CCDC91: variants seen among roughly 807,000 people sequenced by gnomAD.
CCDC91 encodes the protein coiled-coil domain containing 91, also known as coiled-coil domain-containing protein 91.
In CCDC91, 48 loss-of-function variants were observed where a neutral mutation model predicts 63.2. That is an observed-to-expected ratio of 0.76 (90% CI 0.60 to 0.97). The LOEUF is 0.97. CCDC91 is among the 50% of genes least tolerant of loss of function. The pLI, the probability that CCDC91 is intolerant of heterozygous loss-of-function variation, is 0.00. For missense variants in CCDC91, 500 were observed against 494.6 expected (o/e 1.01, Z -0.10); for synonymous variants, 167 against 165.8 (o/e 1.01, Z -0.06).
intron 12 of CCDC91, among the ~76,000 whole-genome samples, chr12:28,501,090 A>T (rs1592863924): frequency 1.3e-5 from 2 of 151,772 alleles, no homozygotes; most frequent in Admixed American, 1.3e-4. Flanking sequence ...GTGATTATAA[A>T]TTGTTTTATA....
intron 8 of CCDC91, among the ~76,000 whole-genome samples, chr12:28,392,265 T>C (rs187259950): frequency 6.6e-6 from 1 of 152,268 alleles, no homozygotes; most frequent in African/African-American, 2.4e-5. Flanking sequence ...TATGAATGGA[T>C]AGAAACAGCA....
intron 7 of CCDC91, among the ~76,000 whole-genome samples, chr12:28,390,846 G>A (rs1200304681): frequency 6.6e-6 from 1 of 151,892 alleles, no homozygotes; most frequent in African/African-American, 2.4e-5. Flanking sequence ...ATCATGCTTG[G>A]CCCATGGGAT....
intron 8 of CCDC91, among the ~76,000 whole-genome samples, chr12:28,440,298 A>T (rs1054080770): frequency 1.3e-5 from 2 of 152,188 alleles, no homozygotes; most frequent in Non-Finnish European, 2.9e-5. Context: ...ACTAGGTATG[A>T]TGGTAAGTAA....
At chr12:28,197,639 G>A (rs190415966) in intron 1 of CCDC91, among the ~76,000 whole-genome samples, 2 of 152,058 alleles carry the variant, frequency 1.3e-5, no homozygotes, top group African/African-American at 2.4e-5. Flanking sequence ...GCTTTTATTT[G>A]TAGGCTATAC....
chr12:28,440,701 CCA>C (rs751729190), intron 8 of CCDC91, among the ~76,000 whole-genome samples: 2 of 151,872 alleles, frequency 1.3e-5, no homozygotes, highest in African/African-American at 4.8e-5. Context: ...GAGTTTATAT[CCA>C]GAGTATATAA....
At chr12:28,402,520 ATTTTTTTT>A (rs57398967) in intron 8 of CCDC91, among the ~76,000 whole-genome samples, 10 of 51,938 alleles carry the variant, frequency 1.9e-4, no homozygotes, top group East Asian at 6.9e-4. Context: ...AGTTCCAGGA[ATTTTTTTT>A]TTTTTTTTTT....
intron 1 of CCDC91, among the ~76,000 whole-genome samples, chr12:28,195,234 T>C (rs749655081): frequency 6.6e-6 from 1 of 152,224 alleles, no homozygotes; most frequent in Non-Finnish European, 1.5e-5. Flanking sequence ...CACAGAGCGC[T>C]GATTGGTGCA....
intron 8 of CCDC91, among the ~76,000 whole-genome samples, chr12:28,424,820 C>T (rs577464614): frequency 6.6e-5 from 10 of 152,176 alleles, no homozygotes; most frequent in African/African-American, 2.4e-4. Context: ...AATTCCTTTA[C>T]TTCCTCTTTA....
intron 7 of CCDC91, among the ~76,000 whole-genome samples, chr12:28,377,848 T>G (rs964294975): frequency 4.6e-5 from 7 of 152,010 alleles, no homozygotes; most frequent in Admixed American, 2.6e-4. Context: ...TGATCTTTAA[T>G]TCTGTGTATT....
chr12:28,270,174 C>CA (rs1295564791), intron 3 of CCDC91, among the ~76,000 whole-genome samples: 1 of 151,932 alleles, frequency 6.6e-6, no homozygotes, highest in Admixed American at 6.6e-5. Context: ...TGGACCTCCT[C>CA]AGATAGATTG....
At chr12:28,394,154 G>A (rs1287013917) in intron 8 of CCDC91, among the ~76,000 whole-genome samples, 5 of 152,176 alleles carry the variant, frequency 3.3e-5, no homozygotes, top group African/African-American at 1.2e-4. Flanking sequence ...TCAGTATGAT[G>A]CTTTTTAAGT....
chr12:28,289,517 T>C (rs1260028358), intron 3 of CCDC91, among the ~76,000 whole-genome samples: 4 of 152,112 alleles, frequency 2.6e-5, no homozygotes, highest in Non-Finnish European at 4.4e-5. Context: ...TTTTGAATTC[T>C]ATTTTTATTG....
At chr12:28,498,993 G>A (rs1952466230) in intron 12 of CCDC91, among the ~76,000 whole-genome samples, 1 of 151,628 alleles carries the variant, frequency 6.6e-6, no homozygotes, top group African/African-American at 2.4e-5. Flanking sequence ...GTTGCTTAAT[G>A]AAGGAATGCC....
At chr12:28,366,390 C>T (rs1337956872) in intron 7 of CCDC91, among the ~76,000 whole-genome samples, 1 of 152,206 alleles carries the variant, frequency 6.6e-6, no homozygotes, top group Non-Finnish European at 1.5e-5. Context: ...TTTCTCTAAC[C>T]AAAAGCCTCC....
At chr12:28,454,404 ATAGT>A (rs1421177048) in intron 11 of CCDC91, among the ~76,000 whole-genome samples, 1 of 152,116 alleles carries the variant, frequency 6.6e-6, no homozygotes, top group African/African-American at 2.4e-5. Context: ...ATAGCTGTCT[ATAGT>A]ACATGGTGTT....
At chr12:28,548,983 C>A in intron 12 of CCDC91, 80 bp from the exon 13 acceptor site, 1 of 941,910 alleles carries the variant, frequency 1.1e-6, no homozygotes. Flanking sequence ...TTCTAGTGGG[C>A]TTCAGAGACA....
intron 8 of CCDC91, among the ~76,000 whole-genome samples, chr12:28,406,252 A>G (rs1335208982): frequency 6.7e-6 from 1 of 149,640 alleles, no homozygotes; most frequent in Non-Finnish European, 1.5e-5. Context: ...TACTTTTAAC[A>G]TTTCTTGCGA....
At chr12:28,301,241 C>T (rs1226135882) in intron 3 of CCDC91, among the ~76,000 whole-genome samples, 1 of 151,484 alleles carries the variant, frequency 6.6e-6, no homozygotes, top group Non-Finnish European at 1.5e-5. Flanking sequence ...TAAAAAGCGT[C>T]CATCAGTTTC....
At chr12:28,353,269 G>A (rs1017874427) in intron 6 of CCDC91, among the ~76,000 whole-genome samples, 2 of 152,174 alleles carry the variant, frequency 1.3e-5, no homozygotes, top group Non-Finnish European at 1.5e-5. Flanking sequence ...TGTTGTGGCT[G>A]TTTCAGTCTT....
Sources: gnomAD v4.1 joint callset for allele counts (sites outside exome capture counted in the v4.1 genomes callset) on GRCh38, gnomAD v4.1.1 for gene constraint, MANE v1.5 for transcripts, NCBI Gene and HGNC (gene_info 2026-07-23, HGNC 2026-07-21) for gene names.